The following CDH18 variants were observed in gnomAD, a reference collection of about 807,000 sequenced individuals.
CDH18 encodes cadherin-18.
A neutral mutation model predicts 67.9 loss-of-function variants in CDH18; 31 were observed. That is an observed-to-expected ratio of 0.46 (90% CI 0.34 to 0.62). The LOEUF (loss-of-function observed/expected upper bound fraction) is 0.62. Among genes scored for constraint, CDH18 ranks in the 20% least tolerant of loss-of-function variants. CDH18 has a pLI of 0.01. For synonymous variants in CDH18, 362 were observed against 347.2 expected (o/e 1.04, Z -0.48); for missense variants, 890 against 975.5 (o/e 0.91, Z 1.17).
At chr5:19,544,618 G>A (rs1162116098) in intron 8 of CDH18, among the ~76,000 whole-genome samples, 1 of 152,102 alleles carries the variant, frequency 6.6e-6, no homozygotes. Flanking sequence ...ATTTTGTAGA[G>A]TTCTCTTATA....
At chr5:20,368,328 T>G (rs1742688354) in intron 1 of CDH18, among the ~76,000 whole-genome samples, 1 of 152,188 alleles carries the variant, frequency 6.6e-6, no homozygotes, top group Admixed American at 6.5e-5. Context: ...CCTTAATGTC[T>G]TCTAAAGAAT....
chr5:19,616,999 G>T (rs1160265177), intron 5 of CDH18, among the ~76,000 whole-genome samples: 1 of 152,044 alleles, frequency 6.6e-6, no homozygotes, highest in East Asian at 1.9e-4. Flanking sequence ...CATTCCAAAG[G>T]CCTCATCTCC....
chr5:20,216,590 A>G (rs1740790097), intron 2 of CDH18, among the ~76,000 whole-genome samples: 1 of 151,866 alleles, frequency 6.6e-6, no homozygotes, highest in Admixed American at 6.6e-5. Flanking sequence ...CATTAATAAC[A>G]TATGTCCAAG....
At chr5:19,720,592 C>A (rs1765961192) in intron 5 of CDH18, among the ~76,000 whole-genome samples, 1 of 152,032 alleles carries the variant, frequency 6.6e-6, no homozygotes, top group African/African-American at 2.4e-5. Flanking sequence ...TGTAGCAAAT[C>A]CTGTAATACA....
chr5:19,997,793 A>G (rs1736130130), intron 2 of CDH18, among the ~76,000 whole-genome samples: 1 of 152,186 alleles, frequency 6.6e-6, no homozygotes, highest in South Asian at 2.1e-4. Context: ...ACATTTCACC[A>G]TAATGCAATA....
intron 2 of CDH18, among the ~76,000 whole-genome samples, chr5:20,025,733 C>G (rs1210512307): frequency 6.6e-6 from 1 of 152,166 alleles, no homozygotes; most frequent in Non-Finnish European, 1.5e-5. Flanking sequence ...GCTTTCTTGT[C>G]CAGAGCCTCA....
intron 1 of CDH18, among the ~76,000 whole-genome samples, chr5:20,358,775 A>G (rs573464440): frequency 6.6e-6 from 1 of 152,246 alleles, no homozygotes; most frequent in African/African-American, 2.4e-5. Context: ...GTCCCAATAT[A>G]TTTTTAAGTA....
At position 20,431,504 on chromosome 5, in the gene CDH18, A is replaced by AAAAAAAGAAG. The variant is rs536468948; in HGVS notation, c.-580+143957_-580+143958insCTTCTTTTTT. Among the ~76,000 whole-genome samples the AAAAAAAGAAG allele has an allele frequency of 6.2e-3, 858 of 138,546 alleles. 8 individuals are homozygous for AAAAAAAGAAG. The highest frequency in any genetic ancestry group is 0.021 in the African/African-American group (789 of 37,224). 90.9% of individuals were successfully genotyped at this position (138,546 alleles called of 152,430 possible). ...GTGAAACTCAAAAAAAAAAAAAAAA[A>AAAAAAAGAAG]AAGAAGAAGAAAAGAAGAATAGAAA... is the stretch of plus-strand genomic sequence containing the variant. On this transcript the variant is annotated intron_variant, in intron 1 of 14. Transcript: ENST00000507958.
chr5:19,891,180 T>C (rs1036078265), intron 2 of CDH18, among the ~76,000 whole-genome samples: 10 of 152,300 alleles, frequency 6.6e-5, no homozygotes, highest in African/African-American at 1.9e-4. Flanking sequence ...TGCCTTTATC[T>C]GTGGATCTAA....
At chr5:20,303,926 C>T in intron 1 of CDH18, 1 of 651,502 alleles carries the variant, frequency 1.5e-6, no homozygotes, top group Admixed American at 2.8e-5. Context: ...ATCTTCCTCT[C>T]AAAAGTTTTA....
chr5:19,775,039 T>C (rs910584325), intron 3 of CDH18, among the ~76,000 whole-genome samples: 3 of 151,932 alleles, frequency 2.0e-5, no homozygotes, highest in African/African-American at 2.4e-5. Flanking sequence ...AGAGCCCAAA[T>C]TGACCAAGAC....
intron 11 of CDH18, among the ~76,000 whole-genome samples, chr5:19,495,388 T>C (rs1210381887): frequency 6.6e-6 from 1 of 151,942 alleles, no homozygotes; most frequent in Non-Finnish European, 1.5e-5. Context: ...CTAGGTAAAA[T>C]ACGCAGTTTT....
intron 1 of CDH18, among the ~76,000 whole-genome samples, chr5:20,542,796 T>C (rs1220746946): frequency 6.6e-6 from 1 of 152,036 alleles, no homozygotes; most frequent in African/African-American, 2.4e-5. Flanking sequence ...AGTCTTTTAT[T>C]TGTCCATGGA....
chr5:20,475,792 A>G (rs906525914), intron 1 of CDH18, among the ~76,000 whole-genome samples: 1 of 152,198 alleles, frequency 6.6e-6, no homozygotes, highest in African/African-American at 2.4e-5. Context: ...GAGAGGGTTC[A>G]GTCAGGGGAA....
intron 5 of CDH18, among the ~76,000 whole-genome samples, chr5:19,678,353 A>C (rs973471344): frequency 3.9e-5 from 6 of 152,118 alleles, no homozygotes; most frequent in Non-Finnish European, 7.4e-5. Flanking sequence ...AATTACATGG[A>C]AATTAATCAA....
In CDH18 at chr5:20,388,189, T is replaced by C. The variant is rs1744483750; in HGVS notation, c.-579-132684A>G. On this transcript the variant is annotated intron_variant, in intron 1 of 14. Coordinates refer to the CDH18 transcript ENST00000507958. ...CTGGTAGAATTCGGCTGTGAATCCA[T>C]CTGGTCCTAGACTTTTTTTGGTTGG... is the stretch of plus-strand genomic sequence containing the variant. Among the ~76,000 whole-genome samples, 11 of 152,300 alleles carry C rather than the reference T, an allele frequency of 7.2e-5. 1 individual carries two copies. The South Asian group carries it at 2.3e-3, about 32-fold the overall frequency.
chr5:20,469,210 C>G (rs1157116063), intron 1 of CDH18, among the ~76,000 whole-genome samples: 1 of 152,180 alleles, frequency 6.6e-6, no homozygotes, highest in Admixed American at 6.5e-5. Flanking sequence ...CTGAATTGCA[C>G]ATAGCGAACA....
intron 1 of CDH18, among the ~76,000 whole-genome samples, chr5:20,439,337 A>G (rs1251524653): frequency 3.3e-5 from 5 of 151,560 alleles, no homozygotes; most frequent in Non-Finnish European, 7.4e-5. Flanking sequence ...TAATTATGCT[A>G]TGTTCTTGAA....
chr5:20,294,166 C>T (rs1580685553), intron 1 of CDH18, among the ~76,000 whole-genome samples: 1 of 152,134 alleles, frequency 6.6e-6, no homozygotes, highest in African/African-American at 2.4e-5. Flanking sequence ...TAAGGGAACA[C>T]TTACGAAAGC....
Sources: allele counts gnomAD v4.1 joint callset (sites outside exome capture counted in the v4.1 genomes callset), GRCh38; gene constraint gnomAD v4.1.1; transcripts MANE v1.5; gene names NCBI Gene and HGNC (gene_info 2026-07-23, HGNC 2026-07-21).